Variants in DYNC2H1 observed in about 807,000 individuals in gnomAD.
DYNC2H1 encodes the protein dynein cytoplasmic 2 heavy chain 1.
In DYNC2H1, 410 loss-of-function variants were observed where a neutral mutation model predicts 570.0. The observed-to-expected ratio is 0.72, with a 90% CI of 0.66 to 0.78. The LOEUF (loss-of-function observed/expected upper bound fraction) is 0.78, where lower values mean the gene tolerates loss of function less well. Ranked by LOEUF, DYNC2H1 falls within the 30% of genes least tolerant of loss-of-function variation. The pLI is 0.00. For missense variants in DYNC2H1, 4,865 were observed against 5,046.4 expected, an observed-to-expected ratio of 0.96 and a Z score of 1.09; for synonymous variants, 1,688 against 1,677.6, an observed-to-expected ratio of 1.01 and a Z score of -0.15.
At chr11:103,441,923 T>A (rs1038186468) in intron 85 of DYNC2H1, among the ~76,000 whole-genome samples, 10 of 152,250 alleles carry the variant, frequency 6.6e-5, no homozygotes, top group African/African-American at 2.2e-4. Flanking sequence ...TCTGGAAGAG[T>A]GTATTATTTT....
At chr11:103,349,305 A>G (rs1939921790) in intron 82 of DYNC2H1, among the ~76,000 whole-genome samples, 1 of 152,176 alleles carries the variant, frequency 6.6e-6, no homozygotes, top group South Asian at 2.1e-4. Flanking sequence ...AAATAAATAG[A>G]TGAATGTATT....
At position 103,243,784 on chromosome 11, in the gene DYNC2H1, A is replaced by G. The variant is rs1864509027; in HGVS notation, c.9911A>G (p.Asn3304Ser). The stretch of plus-strand genomic sequence containing the variant: ...AAAGACTCACGTTTAGAAGTTATCA[A>G]TCAGCAGGTATGTATTATTTATAAT... ...HLKDSRLEVI[N>S]QQDSNFITAL... Residue 3304 changes from asparagine (N) to serine (S), a missense_variant, in exon 64 of 89, where the codon AAT (asparagine) becomes AGT (serine). Transcript: ENST00000375735. The surrounding 1 kb of genome is among the most constrained non-coding windows in gnomAD (Gnocchi z 4.8). 2 of 1,582,416 alleles carry G rather than the reference A, an allele frequency of 1.3e-6. No individual in the cohort carries two copies. Among genetic ancestry groups the G allele is most frequent in the Non-Finnish European group, 8.6e-7 (1 of 1,161,762 alleles).
chr11:103,115,085 A>T (rs1858309783), intron 3 of DYNC2H1, 92 bp from the exon 4 acceptor site: 1 of 827,268 alleles, frequency 1.2e-6, no homozygotes, highest in Non-Finnish European at 2.0e-6. Context: ...TATGTGTTAG[A>T]TGACTCAAAT....
At chr11:103,301,655 T>G (rs958166205) in intron 75 of DYNC2H1, among the ~76,000 whole-genome samples, 4 of 151,932 alleles carry the variant, frequency 2.6e-5, no homozygotes, top group Non-Finnish European at 5.9e-5. Flanking sequence ...ATTAGGAATA[T>G]TTCTGCCTTT....
intron 85 of DYNC2H1, chr11:103,454,932 T>G: frequency 2.5e-6 from 1 of 393,010 alleles, no homozygotes; most frequent in Non-Finnish European, 4.6e-6. Context: ...ATTTTCACCT[T>G]TTGGACTTTT....
rs756272193 is a variant in DYNC2H1 at position 103,326,613 on chromosome 11, G to T, written c.12039+2623G>T. Among the ~76,000 whole-genome samples the T allele has an allele frequency of 3.3e-5, 5 of 152,208 alleles. No homozygotes were observed. The highest frequency in any genetic ancestry group is 5.9e-5 in the Non-Finnish European group (4 of 68,038). On this transcript the variant is annotated intron_variant, in intron 82 of 88. Coordinates refer to ENST00000375735, the MANE Select transcript of DYNC2H1 (RefSeq NM_001377.3). This position sits in a 1 kb window ranked among gnomAD's most constrained non-coding sequence, Gnocchi z 6.1. Reference sequence around the variant, plus strand: ...GGGTCAGACTCTGGCAGCACTGGGGGATCTGAAGTGCCCCTAGGTTACTTG... The same window carrying T: ...GGGTCAGACTCTGGCAGCACTGGGGTATCTGAAGTGCCCCTAGGTTACTTG...
At chr11:103,200,294 C>T in intron 50 of DYNC2H1, 140 bp downstream of exon 50, 1 of 591,758 alleles carries the variant, frequency 1.7e-6, no homozygotes, top group Middle Eastern at 4.4e-4. Context: ...GTTAAACATG[C>T]TCATGGCAGG....
chr11:103,245,981 T>C lies in DYNC2H1; in HGVS notation c.10042+607T>C, dbSNP rs1461233132. On this transcript the variant is annotated intron_variant, in intron 65 of 88. Transcript: ENST00000375735. The surrounding 1 kb of genome is among the most constrained non-coding windows in gnomAD (Gnocchi z 4.5). ...CATACGTTGCTAGCACAGCAAACTT[T>C]AAATAGAAAATTGATGTTATTGGGG... Among the ~76,000 whole-genome samples the C allele has an allele frequency of 6.6e-6, 1 of 152,116 alleles. No individual in the cohort carries two copies. Among genetic ancestry groups the C allele is most frequent in the Non-Finnish European group, 1.5e-5 (1 of 67,984 alleles).
intron 84 of DYNC2H1, chr11:103,404,674 C>T (rs1942785908): frequency 6.6e-6 from 1 of 151,344 alleles, no homozygotes; most frequent in African/African-American, 2.4e-5. Flanking sequence ...GTGGACAAAG[C>T]ACCCTATCAT....
intron 84 of DYNC2H1, among the ~76,000 whole-genome samples, chr11:103,411,046 C>CCTAT (rs1334149225): frequency 2.0e-5 from 3 of 152,058 alleles, no homozygotes; most frequent in East Asian, 1.9e-4. Context: ...CAGGACCAAA[C>CCTAT]CTATCTGTTT....
chr11:103,212,312 G>A (rs896772459), intron 54 of DYNC2H1, among the ~76,000 whole-genome samples: 3 of 152,058 alleles, frequency 2.0e-5, no homozygotes, highest in Admixed American at 6.6e-5. Context: ...GAGTAGGGTG[G>A]GGAGGGATAA....
chr11:103,261,863 A>G lies in DYNC2H1; in HGVS notation c.10695+1886A>G, dbSNP rs1424919677. On this transcript the variant is annotated intron_variant, in intron 70 of 88. Coordinates refer to ENST00000375735, the MANE Select transcript of DYNC2H1 (RefSeq NM_001377.3). This position sits in a 1 kb window ranked among gnomAD's most constrained non-coding sequence, Gnocchi z 4.8. ...CGGAGAATGAGTTTGATGAACTGAC[A>G]GAAGTAGGCTTCAGAAGGTGGGTAA... Among the ~76,000 whole-genome samples the G allele has an allele frequency of 1.3e-5, 2 of 152,204 alleles. No homozygotes were observed. Among genetic ancestry groups the G allele is most frequent in the Non-Finnish European group, 2.9e-5 (2 of 68,036 alleles).
At chr11:103,109,900 C>A in intron 1 of DYNC2H1, 131 bp downstream of exon 1, 1 of 954,176 alleles carries the variant, frequency 1.0e-6, no homozygotes, top group Non-Finnish European at 1.5e-6. Context: ...GCTGTCTCCA[C>A]TTCTCCTGCA....
chr11:103,479,044 G>C, intron 88 of DYNC2H1, 51 bp from the exon 89 acceptor site: 1 of 1,586,926 alleles, frequency 6.3e-7, no homozygotes, highest in Non-Finnish European at 8.6e-7. Flanking sequence ...CTAATAATCT[G>C]TTTCCAAATA....
rs71066145 is a variant in DYNC2H1 at position 103,281,716 on chromosome 11, CAAAA to C, written c.10762-452_10762-449del. Reference sequence around the variant, plus strand: ...CACTTGATTAATCTTAATTCTATGGCAAAAAAAAAAAAAAGATTAATGGCATCTT... The same window carrying C: ...CACTTGATTAATCTTAATTCTATGGCAAAAAAAAAAGATTAATGGCATCTT... On this transcript the variant is annotated intron_variant, in intron 71 of 88. Coordinates refer to ENST00000375735, the MANE Select transcript of DYNC2H1 (RefSeq NM_001377.3). Among the ~76,000 whole-genome samples the C allele has an allele frequency of 6.1e-3, 782 of 129,130 alleles. 10 individuals are homozygous for C. The highest frequency in any genetic ancestry group is 0.02 in the African/African-American group (737 of 37,050). The allele number at this position is 129,130 out of a possible 152,430, so 84.7% of individuals were successfully genotyped here. A position where few individuals can be genotyped will look rare whatever the true frequency, so the allele number is the denominator to read the frequency against.
intron 83 of DYNC2H1, among the ~76,000 whole-genome samples, chr11:103,392,873 T>C (rs1429411077): frequency 7.0e-6 from 1 of 142,752 alleles, no homozygotes; most frequent in Non-Finnish European, 1.5e-5. Context: ...CACACTCTTA[T>C]ATTCCTGAAA....
At chr11:103,234,299 C>T (rs1565417961) in intron 61 of DYNC2H1, 139 bp downstream of exon 61, 1 of 1,018,456 alleles carries the variant, frequency 9.8e-7, no homozygotes, top group East Asian at 2.8e-5. Flanking sequence ...TATAAATGGC[C>T]ATTATGTGAA....
In DYNC2H1 at chr11:103,148,574, A is replaced by T. The variant is rs1041766896; in HGVS notation, c.2903A>T (p.Asp968Val). ...CCCCAGTCTGTGGAAGAAATTGGTG[A>T]TGCAAATCTACAATATAGTAAGTTA... Reference protein sequence around the residue: ...IMPQSVEEIGDANLQYSKLQE... With the variant: ...IMPQSVEEIGVANLQYSKLQE... The change falls in exon 20 of 89, where the codon GAT becomes GTT. Residue 968 changes from aspartate to valine, a missense_variant. Coordinates refer to ENST00000375735, the MANE Select transcript of DYNC2H1 (RefSeq NM_001377.3). The T allele has an allele frequency of 1.9e-6, 3 of 1,570,314 alleles. No individual in the cohort carries two copies. The highest frequency in any genetic ancestry group is 2.6e-6 in the Non-Finnish European group (3 of 1,156,232).
chr11:103,193,449 A>G (rs1444322513), intron 47 of DYNC2H1, among the ~76,000 whole-genome samples: 2 of 152,038 alleles, frequency 1.3e-5, no homozygotes, highest in African/African-American at 4.8e-5. Flanking sequence ...GGTATCTTTC[A>G]CAGTCTCCTG....
Sources: gnomAD v4.1 joint callset for allele counts (sites outside exome capture counted in the v4.1 genomes callset) on GRCh38, gnomAD v4.1.1 for gene constraint, Gnocchi (gnomAD v3.1) non-coding constraint, MANE v1.5 for transcripts, NCBI Gene and HGNC (gene_info 2026-07-23, HGNC 2026-07-21) for gene names.